TANC2: variants seen among roughly 807,000 people sequenced by gnomAD.
TANC2 encodes the protein protein TANC2.
In TANC2, 26 loss-of-function variants were observed where a neutral mutation model predicts 210.5. That is an observed-to-expected ratio of 0.12 (90% CI 0.09 to 0.17). TANC2 has a LOEUF of 0.17. Ranked by LOEUF, TANC2 falls within the 10% of genes least tolerant of loss-of-function variation. TANC2 has a pLI of 1.00. For synonymous variants in TANC2, 931 were observed against 967.1 expected (o/e 0.96, Z 0.69); for missense variants, 2,129 against 2,608.9 (o/e 0.82, Z 4.01).
intron 15 of TANC2, among the ~76,000 whole-genome samples, chr17:63,386,430 T>G (rs2047780655): frequency 6.6e-6 from 1 of 152,172 alleles, no homozygotes; most frequent in African/African-American, 2.4e-5. Flanking sequence ...TGATAAAATA[T>G]CTGGGATTTT....
Position 63,099,253 on chromosome 17 carries a change from A to G in TANC2, c.218A>G (p.Gln73Arg), listed in dbSNP as rs1376652457. ...CCACTTCCAGTGAGTGAAGGTATGC[A>G]GCACATTCGGATTATGGAGGGCATG... Residue 73 changes from glutamine to arginine, a missense_variant, in exon 4 of 28, where the codon CAG becomes CGG. By Grantham distance (43) the Gln-to-Arg change is conservative. Coordinates refer to ENST00000689528, the Ensembl canonical transcript of TANC2. 3 of 1,608,498 alleles carry G rather than the reference A, an allele frequency of 1.9e-6. No individual in the cohort carries two copies. In the South Asian group the frequency reaches 3.3e-5, roughly 18 times the overall value.
chr17:62,973,052 G>A (rs2031798995), intron 1 of TANC2, among the ~76,000 whole-genome samples: 8 of 148,240 alleles, frequency 5.4e-5, no homozygotes, highest in Admixed American at 5.4e-4. Context: ...TTTTTTACAC[G>A]GCGTCTCACT....
At chr17:63,373,707 G>A (rs553652267) in intron 14 of TANC2, among the ~76,000 whole-genome samples, 13 of 152,270 alleles carry the variant, frequency 8.5e-5, no homozygotes, top group Admixed American at 1.3e-4. Context: ...TTTTCTGGGT[G>A]CAGTGACTCA....
rs1045204612 is a variant in TANC2, at chr17:62,966,628, G to T, written c.-145G>T. Among the ~76,000 whole-genome samples the T allele has an allele frequency of 6.6e-6, 1 of 151,794 alleles. No individual in the cohort carries two copies. The highest frequency in any genetic ancestry group is 1.5e-5 in the Non-Finnish European group (1 of 67,886). On this transcript the variant is annotated 5_prime_UTR_variant, in exon 1 of 28. Transcript: ENST00000689528. This position sits in a 1 kb window ranked among gnomAD's most constrained non-coding sequence, Gnocchi z 5.1. ...CCGGGGTGCAGACTCGCCGCGGGGC[G>T]TTGGAGGACTGCGAGGTGCTCCGGG...
chr17:63,362,407 C>G (rs1438224771), intron 14 of TANC2, among the ~76,000 whole-genome samples: 4 of 152,222 alleles, frequency 2.6e-5, no homozygotes, highest in African/African-American at 7.2e-5. Flanking sequence ...CAGGCCGTTT[C>G]TGGCCTGAAG....
intron 24 of TANC2, 108 bp from the exon 25 acceptor site, chr17:63,413,435 A>T: frequency 1.3e-6 from 1 of 755,562 alleles, no homozygotes; most frequent in African/African-American, 1.8e-5. Context: ...ATTGTGGAGC[A>T]AGTTGTTCTC....
intron 14 of TANC2, among the ~76,000 whole-genome samples, chr17:63,375,978 A>AT (rs1317771966): frequency 6.6e-6 from 1 of 151,550 alleles, no homozygotes; most frequent in Admixed American, 6.6e-5. Context: ...AATCCCAGCT[A>AT]TTTGGGAGGC....
At chr17:63,203,792 CA>C (rs943267113) in intron 7 of TANC2, among the ~76,000 whole-genome samples, 2 of 149,584 alleles carry the variant, frequency 1.3e-5, no homozygotes, top group South Asian at 2.1e-4. Context: ...CAGTGGACAC[CA>C]AAAAAAAAGT....
chr17:63,389,146 T>C (rs2047881606), intron 16 of TANC2, among the ~76,000 whole-genome samples, 162 bp from the exon 17 acceptor site: 1 of 152,212 alleles, frequency 6.6e-6, no homozygotes, highest in South Asian at 2.1e-4. Flanking sequence ...TTTTACATTA[T>C]CTACCAAAGG....
At chr17:63,063,532 G>A (rs1036676632) in intron 2 of TANC2, among the ~76,000 whole-genome samples, 5 of 58,426 alleles carry the variant, frequency 8.6e-5, no homozygotes. Context: ...GGACAAAGAC[G>A]TGTGTGTGTG....
intron 9 of TANC2, among the ~76,000 whole-genome samples, chr17:63,279,392 A>T (rs761703508): frequency 1.3e-5 from 2 of 151,934 alleles, no homozygotes; most frequent in African/African-American, 2.4e-5. Flanking sequence ...AGAAATCAAG[A>T]TGGAGAGAGG....
intron 1 of TANC2, among the ~76,000 whole-genome samples, chr17:62,974,212 C>T (rs1203322797): frequency 6.6e-6 from 1 of 152,180 alleles, no homozygotes; most frequent in African/African-American, 2.4e-5. Context: ...ATCTCACAGG[C>T]CCCTGTTGTA....
At chr17:63,411,324 T>C (rs1567996985) in intron 21 of TANC2, among the ~76,000 whole-genome samples, 187 bp from the exon 22 acceptor site, 1 of 152,232 alleles carries the variant, frequency 6.6e-6, no homozygotes, top group African/African-American at 2.4e-5. Flanking sequence ...GAATCTGTTT[T>C]ATTGAAAGCT....
chr17:63,237,501 C>G (rs970495121), intron 7 of TANC2, among the ~76,000 whole-genome samples: 1 of 151,870 alleles, frequency 6.6e-6, no homozygotes, highest in Non-Finnish European at 1.5e-5. Context: ...TTTTTGTTGC[C>G]TGTGCTTTTG....
chr17:62,977,940 A>G (rs1207633819), intron 1 of TANC2, among the ~76,000 whole-genome samples: 2 of 152,188 alleles, frequency 1.3e-5, no homozygotes, highest in Non-Finnish European at 2.9e-5. Context: ...CTAATTAAAT[A>G]GGGATCATAT....
chr17:63,181,023 CAAAAAAAAAAAAA>C (rs1171748208), intron 5 of TANC2, among the ~76,000 whole-genome samples: 6 of 30,670 alleles, frequency 2.0e-4, no homozygotes, highest in East Asian at 2.0e-3. Context: ...GACTCCATCT[CAAAAAAAAAAAAA>C]AAAAAAAAAA....
chr17:63,332,211 A>T, intron 11 of TANC2: 1 of 364,812 alleles, frequency 2.7e-6, no homozygotes, highest in African/African-American at 2.2e-5. Context: ...TTGCTCTGGG[A>T]ATTTTGGCTA....
intron 8 of TANC2, among the ~76,000 whole-genome samples, chr17:63,245,876 A>G (rs1389803000): frequency 6.6e-6 from 1 of 150,650 alleles, no homozygotes; most frequent in Non-Finnish European, 1.5e-5. Flanking sequence ...TGTGCATGGT[A>G]GCGTGCACCT....
At chr17:63,168,955 G>T (rs746436192) in intron 5 of TANC2, among the ~76,000 whole-genome samples, 2 of 152,174 alleles carry the variant, frequency 1.3e-5, no homozygotes, top group African/African-American at 2.4e-5. Flanking sequence ...AATATCATTT[G>T]TTCTCAGCTA....
Sources: allele counts gnomAD v4.1 joint callset (sites outside exome capture counted in the v4.1 genomes callset), GRCh38; gene constraint gnomAD v4.1.1; non-coding constraint Gnocchi (gnomAD v3.1); transcripts MANE v1.5; gene names NCBI Gene and HGNC (gene_info 2026-07-23, HGNC 2026-07-21).